The following XPNPEP3 variants were observed in gnomAD, a reference collection of about 807,000 sequenced individuals.
The protein encoded by XPNPEP3 is xaa-Pro aminopeptidase 3.
XPNPEP3 carries 41 observed loss-of-function variants against 60.0 expected under a neutral mutation model. The ratio of observed to expected loss-of-function variants is 0.68; its 90% confidence interval spans 0.53 to 0.89. XPNPEP3 has a LOEUF of 0.89. XPNPEP3 is among the 40% of genes least tolerant of loss of function. XPNPEP3 has a pLI of 0.00. For missense variants in XPNPEP3, 598 were observed against 638.9 expected (o/e 0.94, Z 0.69); for synonymous variants, 212 against 223.2 (o/e 0.95, Z 0.45).
At chr22:40,903,956 C>T (rs1021215911) in intron 4 of XPNPEP3, among the ~76,000 whole-genome samples, 1 of 151,968 alleles carries the variant, frequency 6.6e-6, no homozygotes, top group Non-Finnish European at 1.5e-5. Context: ...TCTCTACTCT[C>T]CCTTCTCCAT....
rs1468649256 is a variant in XPNPEP3, at chr22:40,931,252, C to G, written c.*4817C>G. ...AAATGTTACTACTGGAATTTTTCTCCCTGAATTGAAGATACATGGTTAGAT... is the reference window on the plus strand; with the variant it reads ...AAATGTTACTACTGGAATTTTTCTCGCTGAATTGAAGATACATGGTTAGAT... On this transcript the variant is annotated 3_prime_UTR_variant, in exon 10 of 10. Transcript: ENST00000357137. The G allele has an allele frequency of 6.6e-6, 1 of 152,080 alleles. No individual in the cohort carries two copies. Among genetic ancestry groups the G allele is most frequent in the African/African-American group, 2.4e-5 (1 of 41,422 alleles). The allele number at this position is 152,080 out of a possible 1,614,324, so 9.4% of individuals were successfully genotyped here. A position where few individuals can be genotyped will look rare whatever the true frequency, so the allele number is the denominator to read the frequency against.
chr22:40,905,274 G>A (rs897485384), intron 4 of XPNPEP3, among the ~76,000 whole-genome samples: 1 of 151,568 alleles, frequency 6.6e-6, no homozygotes. Context: ...TAGAGACCGT[G>A]TTTCACTGTG....
rs1433698966 is a variant in XPNPEP3 at position 40,928,373 on chromosome 22, A to AT, written c.*1944dup. Reference sequence around the variant, plus strand: ...AGGTGCACGCTGCCATGCCCAGCTAATTTTTTGTATTTTAGTAGAGACAGG... The same window carrying AT: ...AGGTGCACGCTGCCATGCCCAGCTAATTTTTTTGTATTTTAGTAGAGACAGG... On this transcript the variant is annotated 3_prime_UTR_variant, in exon 10 of 10. Coordinates refer to ENST00000357137, the MANE Select transcript of XPNPEP3 (RefSeq NM_022098.4). 6.6e-6 allele frequency: 1 copy of AT among 151,894 alleles called. No individual in the cohort carries two copies. The highest frequency in any genetic ancestry group is 2.4e-5 in the African/African-American group (1 of 41,348). The allele number at this position is 151,894 out of a possible 1,614,324, so 9.4% of individuals were successfully genotyped here. A position where few individuals can be genotyped will look rare whatever the true frequency, so the allele number is the denominator to read the frequency against.
chr22:40,867,024 G>T (rs2057981863), intron 1 of XPNPEP3, among the ~76,000 whole-genome samples: 1 of 152,208 alleles, frequency 6.6e-6, no homozygotes, highest in Non-Finnish European at 1.5e-5. Context: ...TGCAGGAGGA[G>T]AGAAAGAGAA....
rs1352016202 is a variant in XPNPEP3 at position 40,922,366 on chromosome 22, C to T, written c.1089C>T (p.Ala363=). Residue 363 remains alanine, a synonymous_variant, in exon 8 of 10, where the codon GCC becomes GCT. Coordinates refer to ENST00000357137, the MANE Select transcript of XPNPEP3 (RefSeq NM_022098.4). The part of the protein sequence containing the change: ...FTAPQAELYE[A]VLEIQRDCLA... ...CACCTCAGGCAGAACTCTATGAAGC[C>T]GTTCTAGAGATCCAAAGAGATTGTT... 9 of 1,613,666 alleles carry T rather than the reference C, an allele frequency of 5.6e-6. No individual in the cohort carries two copies. The highest frequency in any genetic ancestry group is 2.7e-5 in the African/African-American group (2 of 74,858).
Position 40,882,013 on chromosome 22 carries a change from A to G in XPNPEP3, c.425A>G (p.Lys142Arg). 3 of 1,614,190 alleles carry G rather than the reference A, an allele frequency of 1.9e-6. No individual in the cohort carries two copies. Among genetic ancestry groups the G allele is most frequent in the Non-Finnish European group, 2.5e-6 (3 of 1,180,022 alleles). Residue 142 changes from lysine (K) to arginine (R), a missense_variant, in exon 3 of 10, where the codon AAA becomes AGA. Physicochemically the swap from Lys to Arg is conservative, Grantham distance 26. Coordinates refer to ENST00000357137, the MANE Select transcript of XPNPEP3 (RefSeq NM_022098.4). ...CTTGTCCTTCAGAGCCTCCCTGGCA[A>G]ACAATTACCATCACACAAAGCCATA... ...SILVLQSLPGKQLPSHKAILF... is the reference protein window; with the variant it reads ...SILVLQSLPGRQLPSHKAILF...
intron 4 of XPNPEP3, among the ~76,000 whole-genome samples, chr22:40,895,048 C>T (rs2146260507): frequency 6.6e-6 from 1 of 152,296 alleles, no homozygotes; most frequent in South Asian, 2.1e-4. Context: ...TAGGATTTTA[C>T]TTTCTGCTGG....
In XPNPEP3 at chr22:40,865,876, C is replaced by G. The variant is rs1256249488; in HGVS notation, c.65-3123C>G. Among the ~76,000 whole-genome samples, 4 of 152,290 alleles carry G rather than the reference C, an allele frequency of 2.6e-5. 1 individual carries two copies. Among genetic ancestry groups the G allele is most frequent in the Middle Eastern group, 6.8e-3 (2 of 294 alleles). ...TCTAGTTTTCCTTCTTTCTCCTGTGCTCTTTCTCACACTAAAATATTACAG... is the reference window on the plus strand; with the variant it reads ...TCTAGTTTTCCTTCTTTCTCCTGTGGTCTTTCTCACACTAAAATATTACAG... On this transcript the variant is annotated intron_variant, in intron 1 of 9. Transcript: ENST00000357137.
At chr22:40,918,687 A>G (rs910546968) in intron 7 of XPNPEP3, among the ~76,000 whole-genome samples, 9 of 151,970 alleles carry the variant, frequency 5.9e-5, no homozygotes, top group Non-Finnish European at 1.3e-4. Flanking sequence ...CCATCTCAAA[A>G]AAAAAAGTTA....
intron 4 of XPNPEP3, among the ~76,000 whole-genome samples, chr22:40,896,259 GC>G (rs1419866490): frequency 6.6e-6 from 1 of 152,066 alleles, no homozygotes; most frequent in Non-Finnish European, 1.5e-5. Context: ...GAGCTCCTGA[GC>G]TCGAGCACTC....
At chr22:40,921,522 T>C (rs1224593607) in intron 7 of XPNPEP3, among the ~76,000 whole-genome samples, 1 of 151,510 alleles carries the variant, frequency 6.6e-6, no homozygotes, top group Non-Finnish European at 1.5e-5. Context: ...ACAAAAATGA[T>C]TATTTAGTAA....
intron 3 of XPNPEP3, among the ~76,000 whole-genome samples, chr22:40,885,943 C>T (rs1183309135): frequency 3.3e-5 from 5 of 152,160 alleles, no homozygotes; most frequent in African/African-American, 1.2e-4. Context: ...GATTGTGCCA[C>T]TGCACTCCAG....
intron 2 of XPNPEP3, among the ~76,000 whole-genome samples, chr22:40,874,522 G>A (rs764254128): frequency 3.3e-5 from 5 of 152,004 alleles, no homozygotes; most frequent in Non-Finnish European, 7.4e-5. Flanking sequence ...ACCTCCGGGG[G>A]TCAAACAATC....
At chr22:40,883,775 C>G (rs1179032698) in intron 3 of XPNPEP3, among the ~76,000 whole-genome samples, 2 of 152,164 alleles carry the variant, frequency 1.3e-5, no homozygotes, top group African/African-American at 4.8e-5. Flanking sequence ...TCAGAACCTA[C>G]ACCACATTAT....
intron 1 of XPNPEP3, among the ~76,000 whole-genome samples, chr22:40,865,386 T>G (rs935819720): frequency 6.8e-6 from 1 of 146,172 alleles, no homozygotes; most frequent in Admixed American, 7.2e-5. Flanking sequence ...TAGAGTACAG[T>G]GGTGTGATCT....
chr22:40,925,537 C>T (rs951998971), intron 9 of XPNPEP3, among the ~76,000 whole-genome samples: 17 of 152,256 alleles, frequency 1.1e-4, no homozygotes, highest in African/African-American at 4.1e-4. Context: ...CCTTAGACTG[C>T]GCTACATTTT....
At chr22:40,915,201 C>T (rs1468463622) in intron 7 of XPNPEP3, among the ~76,000 whole-genome samples, 1 of 152,022 alleles carries the variant, frequency 6.6e-6, no homozygotes, top group Non-Finnish European at 1.5e-5. Flanking sequence ...CAGGCACCCA[C>T]CACCACGCCT....
intron 7 of XPNPEP3, among the ~76,000 whole-genome samples, chr22:40,919,264 T>C (rs541546216): frequency 2.0e-5 from 3 of 152,186 alleles, no homozygotes; most frequent in Admixed American, 6.5e-5. Context: ...TAGAAGTACA[T>C]TGTAAAAAGG....
chr22:40,862,088 A>G, intron 1 of XPNPEP3: 5 of 1,516,154 alleles, frequency 3.3e-6, no homozygotes, highest in Non-Finnish European at 4.4e-6. Context: ...AGAGGTAGTG[A>G]CTGCAAATAG....
Sources: allele counts gnomAD v4.1 joint callset (sites outside exome capture counted in the v4.1 genomes callset), GRCh38; gene constraint gnomAD v4.1.1; transcripts MANE v1.5; gene names NCBI Gene and HGNC (gene_info 2026-07-23, HGNC 2026-07-21).